The following TXK variants were observed in gnomAD, a reference collection of about 807,000 sequenced individuals.
TXK encodes the protein TXK tyrosine kinase.
In TXK, 60 loss-of-function variants were observed where a neutral mutation model predicts 81.0. The observed-to-expected ratio is 0.74, with a 90% confidence interval of 0.60 to 0.92. TXK has a LOEUF of 0.92. TXK is among the 40% of genes least tolerant of loss of function. TXK has a pLI of 0.00. For missense variants in TXK, 581 were observed against 638.3 expected, an observed-to-expected ratio of 0.91 and a Z score of 0.97; for synonymous variants, 203 against 210.7, an observed-to-expected ratio of 0.96 and a Z score of 0.32.
intron 6 of TXK, among the ~76,000 whole-genome samples, chr4:48,099,824 A>G (rs139267129): frequency 2.0e-5 from 3 of 152,208 alleles, no homozygotes; most frequent in African/African-American, 7.2e-5. Flanking sequence ...CATCCAGAAA[A>G]CAATAAAGTC....
chr4:48,071,489 C>A, intron 14 of TXK, 28 bp downstream of exon 14: 1 of 1,593,404 alleles, frequency 6.3e-7, no homozygotes, highest in Non-Finnish European at 8.5e-7. Flanking sequence ...GGACTGCCAA[C>A]CTTCATAGGA....
chr4:48,096,303 T>TAAAGTTGA (rs1717977143), intron 6 of TXK, among the ~76,000 whole-genome samples: 1 of 152,158 alleles, frequency 6.6e-6, no homozygotes, highest in South Asian at 2.1e-4. Context: ...GATGAAAAAG[T>TAAAGTTGA]AAAGTTGAAT....
chr4:48,131,431 T>G (rs1269052318), intron 1 of TXK, among the ~76,000 whole-genome samples: 1 of 145,064 alleles, frequency 6.9e-6, no homozygotes, highest in African/African-American at 2.5e-5. Context: ...GCAATCTTCT[T>G]CGCTGGACTT....
chr4:48,120,317 T>TACATATATACGTATATATAC (rs1190000715), intron 1 of TXK, among the ~76,000 whole-genome samples: 2 of 149,404 alleles, frequency 1.3e-5, no homozygotes, highest in African/African-American at 4.9e-5. Flanking sequence ...GCTATTAAAA[T>TACATATATACGTATATATAC]ACATATATAC....
chr4:48,124,780 A>T (rs1336375669), intron 1 of TXK, among the ~76,000 whole-genome samples: 2 of 152,222 alleles, frequency 1.3e-5, no homozygotes. Flanking sequence ...TAAAGTACCA[A>T]ACCATGAGAT....
At chr4:48,120,199 A>ATATATACG (rs1718917100) in intron 1 of TXK, among the ~76,000 whole-genome samples, 1 of 92,840 alleles carries the variant, frequency 1.1e-5, no homozygotes, top group Admixed American at 1.4e-4. Flanking sequence ...ACATACACAC[A>ATATATACG]TATATACGTA....
chr4:48,086,640 G>GA lies in TXK; in HGVS notation c.785-4dup, dbSNP rs35335229. 1 of 1,610,844 alleles carries GA rather than the reference G, an allele frequency of 6.2e-7. No homozygotes were observed. The highest frequency in any genetic ancestry group is 1.1e-5 in the South Asian group (1 of 90,626). On this transcript the variant is annotated splice_polypyrimidine_tract_variant and splice_region_variant and intron_variant, in intron 9 of 14. Coordinates refer to ENST00000264316, the MANE Select transcript of TXK (RefSeq NM_003328.3). ...AGATGGATCTATCTCCCACTTTTCTGAAAAAGTAAAACATCCATGTTACAA... is the reference window on the plus strand; with the variant it reads ...AGATGGATCTATCTCCCACTTTTCTGAAAAAAGTAAAACATCCATGTTACAA...
chr4:48,105,167 A>G (rs554415887), intron 5 of TXK, among the ~76,000 whole-genome samples: 59 of 152,148 alleles, frequency 3.9e-4, no homozygotes, highest in Admixed American at 2.0e-4. Flanking sequence ...TTATTCTATC[A>G]TATCTCAATT....
chr4:48,106,598 A>G (rs73136274), intron 5 of TXK, among the ~76,000 whole-genome samples: 60 of 152,226 alleles, frequency 3.9e-4, no homozygotes, highest in African/African-American at 1.4e-3. Context: ...TCATGTCCCA[A>G]TCTTAGATTT....
At chr4:48,106,306 T>A (rs548842677) in intron 5 of TXK, 2 of 152,292 alleles carry the variant, frequency 1.3e-5, no homozygotes, top group East Asian at 3.9e-4. Flanking sequence ...GGAAAGAGAT[T>A]GAACGAATGG....
chr4:48,087,369 A>T (rs918038671), intron 9 of TXK, among the ~76,000 whole-genome samples: 1 of 152,144 alleles, frequency 6.6e-6, no homozygotes, highest in African/African-American at 2.4e-5. Context: ...AAAATCTGAT[A>T]GTCCCTTCTA....
intron 10 of TXK, among the ~76,000 whole-genome samples, chr4:48,085,888 C>T (rs1448522056): frequency 2.0e-5 from 3 of 152,214 alleles, no homozygotes; most frequent in Admixed American, 2.0e-4. Context: ...CACCATCCTT[C>T]AAGTCCGTGT....
rs374172177 is a variant in TXK, at chr4:48,134,143, C to A, written c.16+12G>T. The stretch of plus-strand genomic sequence containing the variant: ...AGCCCCAAAAATAAATGACAAAGCC[C>A]ATCTTACTCACAGGAGGAAAGGATC... On this transcript the variant is annotated intron_variant, in intron 1 of 14. Coordinates refer to ENST00000264316, the MANE Select transcript of TXK (RefSeq NM_003328.3). 5 of 1,612,648 alleles carry A rather than the reference C, an allele frequency of 3.1e-6. No individual in the cohort carries two copies. The African/African-American group carries it at 6.7e-5, about 22-fold the overall frequency.
rs555721584 is a variant in TXK, at chr4:48,126,791, C to T, written c.16+7364G>A. ...CTGCTGGGATTACAGGCAGGAGCCACCATGCCTGGCCAAGTCAAGAACTTT... is the reference window on the plus strand; with the variant it reads ...CTGCTGGGATTACAGGCAGGAGCCATCATGCCTGGCCAAGTCAAGAACTTT... On this transcript the variant is annotated intron_variant, in intron 1 of 14. Transcript: ENST00000264316. 2.8e-3 allele frequency among the ~76,000 whole-genome samples: 432 copies of T among 152,284 alleles called. 2 individuals are homozygous for T. Among genetic ancestry groups the T allele is most frequent in the Non-Finnish European group, 3.2e-3 (217 of 68,016 alleles).
At chr4:48,111,090 G>C (rs1187514468) in intron 4 of TXK, among the ~76,000 whole-genome samples, 2 of 152,204 alleles carry the variant, frequency 1.3e-5, no homozygotes, top group Non-Finnish European at 2.9e-5. Flanking sequence ...GAATTGCTAA[G>C]TCACGGGATA....
intron 1 of TXK, among the ~76,000 whole-genome samples, chr4:48,132,349 G>A (rs1175934183): frequency 6.6e-6 from 1 of 152,046 alleles, no homozygotes; most frequent in Non-Finnish European, 1.5e-5. Context: ...AACTGCACAT[G>A]GGACTGAATA....
chr4:48,071,817 A>G, intron 13 of TXK, 143 bp from the exon 14 acceptor site: 1 of 886,992 alleles, frequency 1.1e-6, no homozygotes, highest in Non-Finnish European at 1.7e-6. Context: ...GGTTCTGTCA[A>G]GGAAGCAAAT....
intron 14 of TXK, among the ~76,000 whole-genome samples, chr4:48,070,862 A>G (rs1716819082): frequency 1.4e-5 from 2 of 144,890 alleles, no homozygotes; most frequent in Admixed American, 7.0e-5. Flanking sequence ...TACAGGCGTG[A>G]GCCACCACAC....
intron 11 of TXK, among the ~76,000 whole-genome samples, chr4:48,079,557 G>T (rs1717209890): frequency 6.6e-6 from 1 of 152,034 alleles, no homozygotes; most frequent in African/African-American, 2.4e-5. Flanking sequence ...CCACCAAGTT[G>T]TCCTTAAAAA....
Sources: gnomAD v4.1 joint callset for allele counts (sites outside exome capture counted in the v4.1 genomes callset) on GRCh38, gnomAD v4.1.1 for gene constraint, MANE v1.5 for transcripts, NCBI Gene and HGNC (gene_info 2026-07-23, HGNC 2026-07-21) for gene names.